SGCZ: variants seen among roughly 807,000 people sequenced by gnomAD.
SGCZ encodes zeta-sarcoglycan.
In SGCZ, 40 loss-of-function variants were observed where a neutral mutation model predicts 41.3. The ratio of observed to expected loss-of-function variants is 0.97; its 90% confidence interval spans 0.75 to 1.26. The LOEUF (loss-of-function observed/expected upper bound fraction) is 1.26. Ranked by LOEUF, SGCZ falls within the 50% of genes most tolerant of loss-of-function variation. The pLI is 0.00. For missense variants in SGCZ, 552 were observed against 369.8 expected (o/e 1.49, Z -4.04); for synonymous variants, 206 against 137.5 (o/e 1.50, Z -3.49).
chr8:14,562,876 G>C (rs768372467), intron 1 of SGCZ, among the ~76,000 whole-genome samples: 3 of 152,150 alleles, frequency 2.0e-5, no homozygotes, highest in South Asian at 2.1e-4. Context: ...GGGATCGAGA[G>C]AGAAGTCACG....
intron 4 of SGCZ, among the ~76,000 whole-genome samples, chr8:14,200,443 C>T (rs1585225002): frequency 2.0e-5 from 3 of 152,048 alleles, no homozygotes; most frequent in South Asian, 2.1e-4. Flanking sequence ...CTCACTCTAA[C>T]CAATTTCATG....
intron 1 of SGCZ, among the ~76,000 whole-genome samples, chr8:14,615,644 T>C (rs1416222756): frequency 6.6e-6 from 1 of 152,212 alleles, no homozygotes; most frequent in African/African-American, 2.4e-5. Context: ...AGAGGTATGC[T>C]ACCTGGGTCT....
intron 2 of SGCZ, among the ~76,000 whole-genome samples, chr8:14,400,754 AATAGTAT>A (rs1404910652): frequency 8.1e-6 from 1 of 122,840 alleles, no homozygotes; most frequent in African/African-American, 4.0e-5. Context: ...CTTTGTAATC[AATAGTAT>A]TTTTTTTTAC....
At chr8:14,141,328 A>T (rs1479923790) in intron 5 of SGCZ, among the ~76,000 whole-genome samples, 1 of 152,234 alleles carries the variant, frequency 6.6e-6, no homozygotes, top group Non-Finnish European at 1.5e-5. Flanking sequence ...TGATCTGATT[A>T]AACTAAAGAG....
chr8:14,934,320 T>C (rs911849533), intron 1 of SGCZ, among the ~76,000 whole-genome samples: 1 of 151,972 alleles, frequency 6.6e-6, no homozygotes, highest in Non-Finnish European at 1.5e-5. Context: ...TATGTGTCTG[T>C]AATTAATATA....
chr8:14,807,742 T>C (rs1207442132), intron 1 of SGCZ, among the ~76,000 whole-genome samples: 2 of 151,856 alleles, frequency 1.3e-5, no homozygotes, highest in Non-Finnish European at 2.9e-5. Flanking sequence ...TTAAAGTTCA[T>C]ATGGAACCAA....
chr8:14,731,604 T>C (rs538495186), intron 1 of SGCZ, among the ~76,000 whole-genome samples: 1 of 152,322 alleles, frequency 6.6e-6, no homozygotes, highest in Non-Finnish European at 1.5e-5. Context: ...GTAATTTCAG[T>C]AATCATGTTT....
intron 3 of SGCZ, among the ~76,000 whole-genome samples, chr8:14,239,899 CTCAAAAAAA>C (rs1798802314): frequency 6.0e-5 from 5 of 83,450 alleles, no homozygotes; most frequent in Non-Finnish European, 6.6e-5. Context: ...GAGACTCCGT[CTCAAAAAAA>C]AAAAAAAAAA....
chr8:14,146,845 C>G (rs1393104761), intron 5 of SGCZ, among the ~76,000 whole-genome samples: 1 of 135,992 alleles, frequency 7.4e-6, no homozygotes, highest in Non-Finnish European at 1.5e-5. Context: ...GCACTCCAGC[C>G]TGGGCGACAG....
chr8:14,757,314 A>C (rs1037383424), intron 1 of SGCZ, among the ~76,000 whole-genome samples: 5 of 152,106 alleles, frequency 3.3e-5, no homozygotes, highest in Admixed American at 1.3e-4. Context: ...CTCCCAAAGC[A>C]CTGGGACTGC....
intron 1 of SGCZ, among the ~76,000 whole-genome samples, chr8:14,671,426 G>C (rs1478356245): frequency 6.6e-6 from 1 of 152,138 alleles, no homozygotes; most frequent in East Asian, 1.9e-4. Flanking sequence ...AAAAAGCCAA[G>C]TTTGAAAAGT....
intron 1 of SGCZ, among the ~76,000 whole-genome samples, chr8:14,833,803 G>A (rs1307482754): frequency 2.1e-5 from 3 of 141,138 alleles, no homozygotes; most frequent in African/African-American, 8.4e-5. Flanking sequence ...AAGAAATTAT[G>A]GAGCTAGGGA....
chr8:14,917,345 T>C lies in SGCZ; in HGVS notation c.39+320240A>G, dbSNP rs574526142. ...TTTTGCAACTGACCTATGATTACTC[T>C]TTTTATTTATTCATATCGTAACTTT... On this transcript the variant is annotated intron_variant, in intron 1 of 7. Transcript: ENST00000382080. Among the ~76,000 whole-genome samples the C allele has an allele frequency of 2.0e-5, 3 of 152,246 alleles. No homozygotes were observed. The South Asian group carries it at 6.2e-4, about 32-fold the overall frequency.
At chr8:15,192,499 C>A (rs1800575719) in intron 1 of SGCZ, among the ~76,000 whole-genome samples, 1 of 152,118 alleles carries the variant, frequency 6.6e-6, no homozygotes, top group Admixed American at 6.5e-5. Flanking sequence ...TGTAACTGAG[C>A]ATCAGTTGAA....
intron 4 of SGCZ, among the ~76,000 whole-genome samples, chr8:14,185,828 C>G (rs1028862286): frequency 2.6e-5 from 4 of 152,180 alleles, no homozygotes; most frequent in Admixed American, 6.5e-5. Context: ...TGAAATTGAG[C>G]AGACCCCTTC....
At chr8:14,811,623 A>T (rs1801741458) in intron 1 of SGCZ, among the ~76,000 whole-genome samples, 1 of 147,684 alleles carries the variant, frequency 6.8e-6, no homozygotes, top group African/African-American at 2.5e-5. Flanking sequence ...AATAAATCAA[A>T]TTTTCACATA....
At chr8:14,379,636 T>C (rs901005644) in intron 2 of SGCZ, among the ~76,000 whole-genome samples, 1 of 152,080 alleles carries the variant, frequency 6.6e-6, no homozygotes, top group African/African-American at 2.4e-5. Context: ...TTTATATAAA[T>C]AAGCATGTAA....
At chr8:14,446,633 T>C (rs1020172527) in intron 2 of SGCZ, among the ~76,000 whole-genome samples, 2 of 152,196 alleles carry the variant, frequency 1.3e-5, no homozygotes, top group African/African-American at 2.4e-5. Flanking sequence ...ATGTACAATT[T>C]TGTCATTAAT....
At position 14,090,329 on chromosome 8, in the gene SGCZ, C is replaced by T. The variant is rs1262771408; in HGVS notation, c.*114G>A. On this transcript the variant is annotated 3_prime_UTR_variant, in exon 8 of 8. Transcript: ENST00000382080. ...GAATCCCTGCTCACACTGGAAGTTGCTCTGTGGACCATTCGAAGAAGCTCT... is the reference window on the plus strand; with the variant it reads ...GAATCCCTGCTCACACTGGAAGTTGTTCTGTGGACCATTCGAAGAAGCTCT... The T allele has an allele frequency of 3.6e-6, 4 of 1,099,962 alleles. No homozygotes were observed. Among genetic ancestry groups the T allele is most frequent in the Non-Finnish European group, 5.1e-6 (4 of 784,488 alleles). 68.1% of individuals were successfully genotyped at this position (1,099,962 alleles called of 1,614,324 possible). A position where few individuals can be genotyped will look rare whatever the true frequency, so the allele number is the denominator to read the frequency against.
Sources: gnomAD v4.1 joint callset for allele counts (sites outside exome capture counted in the v4.1 genomes callset) on GRCh38, gnomAD v4.1.1 for gene constraint, MANE v1.5 for transcripts, NCBI Gene and HGNC (gene_info 2026-07-23, HGNC 2026-07-21) for gene names.